CLEC16A: variants seen among roughly 807,000 people sequenced by gnomAD.
CLEC16A encodes the protein C-type lectin domain containing 16A.
In CLEC16A, 51 loss-of-function variants were observed where a neutral mutation model predicts 109.5. That is an observed-to-expected ratio of 0.47 (90% CI 0.37 to 0.59). The LOEUF (loss-of-function observed/expected upper bound fraction) is 0.59. Among genes scored for constraint, CLEC16A ranks in the 20% least tolerant of loss-of-function variants. The pLI is 0.00. For missense variants in CLEC16A, 1,339 were observed against 1,394.0 expected, an observed-to-expected ratio of 0.96 and a Z score of 0.63; for synonymous variants, 673 against 564.2, an observed-to-expected ratio of 1.19 and a Z score of -2.73.
intron 22 of CLEC16A, among the ~76,000 whole-genome samples, chr16:11,152,805 A>G (rs896744281): frequency 4.6e-5 from 7 of 152,134 alleles, no homozygotes; most frequent in African/African-American, 1.7e-4. Context: ...TCCCTCTGAC[A>G]CTGCTCCCCT....
At chr16:10,992,815 C>A (rs2147110797) in intron 10 of CLEC16A, among the ~76,000 whole-genome samples, 1 of 152,198 alleles carries the variant, frequency 6.6e-6, no homozygotes, top group Admixed American at 6.5e-5. Context: ...CCAGCTCATC[C>A]TCACAAATTT....
Position 11,026,746 on chromosome 16 carries a change from A to G in CLEC16A, c.1537+1825A>G, listed in dbSNP as rs576390804. On this transcript the variant is annotated intron_variant, in intron 13 of 23. Transcript: ENST00000409790. The stretch of plus-strand genomic sequence containing the variant: ...CTTTAGGCATTGTGGGAAGCACTTT[A>G]TTGTCCACAGCCAAGCTGCTTGTGA... Among the ~76,000 whole-genome samples the G allele has an allele frequency of 4.8e-5, 7 of 145,156 alleles. No individual in the cohort carries two copies. In the East Asian group the frequency reaches 1.4e-3, roughly 30 times the overall value.
chr16:11,056,052 A>C (rs1433781983), intron 18 of CLEC16A, among the ~76,000 whole-genome samples: 1 of 152,208 alleles, frequency 6.6e-6, no homozygotes, highest in African/African-American at 2.4e-5. Flanking sequence ...ATGCCAGCTG[A>C]GAAGGGAAAT....
intron 10 of CLEC16A, among the ~76,000 whole-genome samples, chr16:10,986,956 T>A (rs1367343588): frequency 6.6e-6 from 1 of 151,892 alleles, no homozygotes; most frequent in African/African-American, 2.4e-5. Flanking sequence ...AGGGTTCAAG[T>A]GATTCTCGTG....
At chr16:11,138,884 A>G (rs1246108643) in intron 22 of CLEC16A, among the ~76,000 whole-genome samples, 1 of 152,072 alleles carries the variant, frequency 6.6e-6, no homozygotes, top group African/African-American at 2.4e-5. Context: ...ACAAATAGGC[A>G]TCTCCAAGTG....
chr16:11,098,607 G>T (rs1051449235), intron 19 of CLEC16A, among the ~76,000 whole-genome samples: 7 of 152,238 alleles, frequency 4.6e-5, no homozygotes, highest in Non-Finnish European at 1.0e-4. Flanking sequence ...CCTGCACCCT[G>T]AGAACCAGCC....
chr16:11,064,309 T>C (rs2048648985), intron 19 of CLEC16A, among the ~76,000 whole-genome samples: 1 of 152,198 alleles, frequency 6.6e-6, no homozygotes, highest in East Asian at 1.9e-4. Flanking sequence ...AGCTGCTGCT[T>C]TGGAATGGAG....
intron 19 of CLEC16A, among the ~76,000 whole-genome samples, chr16:11,094,928 C>T (rs926988016): frequency 1.3e-5 from 2 of 152,164 alleles, no homozygotes; most frequent in African/African-American, 4.8e-5. Flanking sequence ...CTGGATGATC[C>T]CCGATAAAGC....
intron 19 of CLEC16A, among the ~76,000 whole-genome samples, chr16:11,106,034 T>C (rs1387848293): frequency 6.6e-6 from 1 of 152,178 alleles, no homozygotes; most frequent in East Asian, 1.9e-4. Context: ...AATGATAGGA[T>C]CCTGTAGTCA....
intron 3 of CLEC16A, among the ~76,000 whole-genome samples, chr16:10,965,930 C>T (rs920000085): frequency 6.6e-6 from 1 of 152,192 alleles, no homozygotes; most frequent in Non-Finnish European, 1.5e-5. Flanking sequence ...AGTTGCACAT[C>T]TGAAGCTCCC....
At chr16:11,028,905 GT>G (rs1362400579) in intron 13 of CLEC16A, among the ~76,000 whole-genome samples, 1 of 152,160 alleles carries the variant, frequency 6.6e-6, no homozygotes, top group Non-Finnish European at 1.5e-5. Flanking sequence ...ATTTTACACA[GT>G]TTCCCTTTTG....
chr16:11,000,860 G>A (rs1301550308), intron 10 of CLEC16A, among the ~76,000 whole-genome samples: 1 of 152,170 alleles, frequency 6.6e-6, no homozygotes, highest in African/African-American at 2.4e-5. Flanking sequence ...TATTGGCAAG[G>A]TACGGTGTTC....
chr16:11,152,921 G>A (rs2054352554), intron 22 of CLEC16A, among the ~76,000 whole-genome samples: 1 of 152,096 alleles, frequency 6.6e-6, no homozygotes, highest in Admixed American at 6.5e-5. Context: ...AGGAATTCAT[G>A]GCTCTAAAAC....
chr16:11,082,090 A>G (rs991108960), intron 19 of CLEC16A, among the ~76,000 whole-genome samples: 1 of 152,200 alleles, frequency 6.6e-6, no homozygotes, highest in Non-Finnish European at 1.5e-5. Flanking sequence ...GGCCTCAAGT[A>G]TATGTATGAG....
chr16:11,146,510 A>AG (rs1160957474), intron 22 of CLEC16A, among the ~76,000 whole-genome samples: 1 of 118,328 alleles, frequency 8.5e-6, no homozygotes, highest in East Asian at 2.8e-4. Context: ...ATGTAGAGGG[A>AG]GGGAGGGAGG....
chr16:10,960,470 C>T (rs1289838711), intron 2 of CLEC16A, among the ~76,000 whole-genome samples: 1 of 152,118 alleles, frequency 6.6e-6, no homozygotes, highest in African/African-American at 2.4e-5. Flanking sequence ...GTAAAGTTCC[C>T]CTCTCTTGCC....
rs1261302512 is a variant in CLEC16A, at chr16:11,027,302, C to T, written c.1537+2381C>T. The stretch of plus-strand genomic sequence containing the variant: ...ATTCCTTGGCCTTTGTTGTACGCAT[C>T]GAAAGGATTGATGGCGTGAGTTTAC... On this transcript the variant is annotated intron_variant, in intron 13 of 23. Coordinates refer to ENST00000409790, the MANE Select transcript of CLEC16A (RefSeq NM_015226.3). The T allele has an allele frequency of 1.9e-5, 29 of 1,519,922 alleles. No homozygotes were observed. In the South Asian group the frequency reaches 2.4e-4, roughly 12 times the overall value. 94.2% of individuals were successfully genotyped at this position (1,519,922 alleles called of 1,614,324 possible).
intron 22 of CLEC16A, among the ~76,000 whole-genome samples, chr16:11,134,182 ATTTT>A (rs34036131): frequency 1.5e-3 from 180 of 124,028 alleles, no homozygotes; most frequent in East Asian, 0.014. Flanking sequence ...CCCTTTTCTG[ATTTT>A]TTTTTTTTTT....
chr16:11,136,443 G>C (rs1040496447), intron 22 of CLEC16A, among the ~76,000 whole-genome samples: 2 of 152,040 alleles, frequency 1.3e-5, no homozygotes, highest in Non-Finnish European at 2.9e-5. Context: ...TGCAGCAAAG[G>C]TTAACTGCTC....
Sources: allele counts gnomAD v4.1 joint callset (sites outside exome capture counted in the v4.1 genomes callset), GRCh38; gene constraint gnomAD v4.1.1; transcripts MANE v1.5; gene names NCBI Gene and HGNC (gene_info 2026-07-23, HGNC 2026-07-21).